MALRD1: variants seen among roughly 807,000 people sequenced by gnomAD.
MALRD1 encodes MAM and LDL receptor class A domain containing 1, also known as MAM and LDL-receptor class A domain-containing protein 1.
A neutral mutation model predicts 242.1 loss-of-function variants in MALRD1; 247 were observed. The observed-to-expected ratio is 1.02, with a 90% confidence interval of 0.92 to 1.13. The LOEUF (loss-of-function observed/expected upper bound fraction) is 1.13. Ranked by LOEUF, MALRD1 falls within the 50% of genes most tolerant of loss-of-function variation. The probability of loss-of-function intolerance (pLI) is 0.00; values close to 1 mark genes in which losing one functional copy is unlikely to be tolerated. For missense variants in MALRD1, 2,989 were observed against 2,533.1 expected, an observed-to-expected ratio of 1.18 and a Z score of -3.86; for synonymous variants, 995 against 866.6, an observed-to-expected ratio of 1.15 and a Z score of -2.60.
rs1008209553 is a variant in MALRD1, at chr10:19,204,834, T to C, written c.2211-64T>C. ...TGACTGTTGACTGAGTAGAAAAATCTAAAGGTTAAATATGTAGTCTATTCT... is the reference window on the plus strand; with the variant it reads ...TGACTGTTGACTGAGTAGAAAAATCCAAAGGTTAAATATGTAGTCTATTCT... On this transcript the variant is annotated intron_variant, in intron 16 of 39. Transcript: ENST00000454679. 4 of 1,433,446 alleles carry C rather than the reference T, an allele frequency of 2.8e-6. No individual in the cohort carries two copies. The South Asian group carries it at 4.4e-5, about 16-fold the overall frequency. 88.8% of individuals were successfully genotyped at this position (1,433,446 alleles called of 1,614,324 possible). A position where few individuals can be genotyped will look rare whatever the true frequency, so the allele number is the denominator to read the frequency against.
intron 39 of MALRD1, among the ~76,000 whole-genome samples, chr10:19,731,232 G>T (rs1835283230): frequency 6.6e-6 from 1 of 152,170 alleles, no homozygotes; most frequent in Admixed American, 6.5e-5. Flanking sequence ...ACTTAGAAGA[G>T]AAAAAACAAA....
At chr10:19,293,663 C>G (rs1841553905) in intron 21 of MALRD1, among the ~76,000 whole-genome samples, 1 of 151,934 alleles carries the variant, frequency 6.6e-6, no homozygotes, top group Non-Finnish European at 1.5e-5. Flanking sequence ...AACAGAAAAC[C>G]AAATACTGTA....
At position 19,101,688 on chromosome 10, in the gene MALRD1, A is replaced by G. The variant is rs1836263855; in HGVS notation, c.598-2291A>G. Among the ~76,000 whole-genome samples the G allele has an allele frequency of 2.2e-5, 3 of 135,574 alleles. No individual in the cohort carries two copies. In the South Asian group the frequency reaches 6.9e-4, roughly 31 times the overall value. The allele number at this position is 135,574 out of a possible 152,430, so 88.9% of individuals were successfully genotyped here. ...ATCTATGTATATAAGATATAGGTAT[A>G]TTATACATATATGTATATATAATAT... On this transcript the variant is annotated intron_variant, in intron 4 of 39. Coordinates refer to ENST00000454679, the MANE Select transcript of MALRD1 (RefSeq NM_001142308.3).
chr10:19,504,035 C>T (rs1422438471), intron 31 of MALRD1, among the ~76,000 whole-genome samples: 1 of 152,188 alleles, frequency 6.6e-6, no homozygotes, highest in Non-Finnish European at 1.5e-5. Flanking sequence ...ATAATCTTAG[C>T]AAGCTAATGC....
intron 36 of MALRD1, among the ~76,000 whole-genome samples, chr10:19,673,438 T>C (rs1255707141): frequency 3.3e-5 from 5 of 152,100 alleles, no homozygotes. Context: ...TGATTAGAAC[T>C]GTATAGTGAG....
At chr10:19,582,557 G>C (rs1380664102) in intron 33 of MALRD1, among the ~76,000 whole-genome samples, 4 of 137,266 alleles carry the variant, frequency 2.9e-5, no homozygotes, top group African/African-American at 1.0e-4. Flanking sequence ...ATTTCTGAGG[G>C]CTCTGTTCTG....
At chr10:19,121,667 T>A in intron 5 of MALRD1, among the ~76,000 whole-genome samples, 1 of 152,204 alleles carries the variant, frequency 6.6e-6, no homozygotes, top group South Asian at 2.1e-4. Flanking sequence ...CGAGCAGAGA[T>A]GAAATTTCTG....
intron 21 of MALRD1, among the ~76,000 whole-genome samples, chr10:19,321,245 A>G (rs1293805518): frequency 6.6e-6 from 1 of 152,064 alleles, no homozygotes; most frequent in Non-Finnish European, 1.5e-5. Context: ...TTTCATTAAC[A>G]TTAGTTTTCC....
chr10:19,531,480 C>A (rs1005957584), intron 32 of MALRD1, 129 bp downstream of exon 32: 2 of 907,592 alleles, frequency 2.2e-6, no homozygotes, highest in East Asian at 5.7e-5. Context: ...TTTCTCATTT[C>A]TTTCTGGGGC....
intron 1 of MALRD1, chr10:19,051,341 T>C (rs759891302): frequency 2.0e-5 from 3 of 151,828 alleles, no homozygotes; most frequent in South Asian, 2.1e-4. Flanking sequence ...TTTAAAGAAA[T>C]AGATTAATGT....
At chr10:19,659,065 T>G (rs1255080594) in intron 36 of MALRD1, among the ~76,000 whole-genome samples, 1 of 152,194 alleles carries the variant, frequency 6.6e-6, no homozygotes, top group Non-Finnish European at 1.5e-5. Flanking sequence ...TTTCCTACTT[T>G]TTGCTCTTTA....
intron 14 of MALRD1, among the ~76,000 whole-genome samples, chr10:19,180,684 A>G (rs774608567): frequency 2.0e-5 from 3 of 152,208 alleles, no homozygotes; most frequent in Non-Finnish European, 4.4e-5. Flanking sequence ...ATATCACACC[A>G]AATGCTCTGG....
chr10:19,582,043 T>C (rs1030494057), intron 33 of MALRD1, among the ~76,000 whole-genome samples: 2 of 152,214 alleles, frequency 1.3e-5, no homozygotes, highest in African/African-American at 4.8e-5. Context: ...TCTGTTCATG[T>C]CCTTTGCCCA....
At chr10:19,187,796 C>T (rs76367924) in intron 14 of MALRD1, among the ~76,000 whole-genome samples, 2,885 of 152,228 alleles carry the variant, frequency 0.019, 77 homozygotes, top group African/African-American at 0.066. Context: ...AGACAATAGA[C>T]AATGGACTAC....
At chr10:19,151,121 C>T (rs990258681) in intron 11 of MALRD1, among the ~76,000 whole-genome samples, 4 of 151,982 alleles carry the variant, frequency 2.6e-5, no homozygotes, top group African/African-American at 9.7e-5. Context: ...TAAAAATTTC[C>T]AATTAATGGG....
At chr10:19,341,522 ATG>A (rs1564577256) in intron 24 of MALRD1, among the ~76,000 whole-genome samples, 4 of 146,802 alleles carry the variant, frequency 2.7e-5, no homozygotes, top group Non-Finnish European at 4.5e-5. Flanking sequence ...GTGTGTATAT[ATG>A]TATATATATA....
chr10:19,412,406 T>A (rs1461997719), intron 28 of MALRD1, among the ~76,000 whole-genome samples: 2 of 152,174 alleles, frequency 1.3e-5, no homozygotes, highest in Non-Finnish European at 2.9e-5. Context: ...AAAAACCCCA[T>A]CAACCAGAAA....
At chr10:19,138,502 C>T (rs1197748085) in intron 10 of MALRD1, among the ~76,000 whole-genome samples, 1 of 150,174 alleles carries the variant, frequency 6.7e-6, no homozygotes, top group Non-Finnish European at 1.5e-5. Context: ...CTCACTACAA[C>T]CTCCACTTCC....
intron 33 of MALRD1, among the ~76,000 whole-genome samples, chr10:19,576,405 T>G (rs182690214): frequency 6.6e-6 from 1 of 152,192 alleles, no homozygotes; most frequent in East Asian, 1.9e-4. Context: ...AGAATTAAGC[T>G]TGAAAATTCT....
Sources: allele counts gnomAD v4.1 joint callset (sites outside exome capture counted in the v4.1 genomes callset), GRCh38; gene constraint gnomAD v4.1.1; transcripts MANE v1.5; gene names NCBI Gene and HGNC (gene_info 2026-07-23, HGNC 2026-07-21).